Variants in TMEM232 observed in about 807,000 individuals in gnomAD.
TMEM232 encodes the protein transmembrane protein 232.
A neutral mutation model predicts 78.8 loss-of-function variants in TMEM232; 80 were observed. The observed-to-expected ratio is 1.01, with a 90% CI of 0.85 to 1.22. TMEM232 has a LOEUF of 1.22. TMEM232 is among the 50% of genes most tolerant of loss of function. The pLI, the probability that TMEM232 is intolerant of heterozygous loss-of-function variation, is 0.00. For missense variants in TMEM232, 881 were observed against 742.2 expected (o/e 1.19, Z -2.17); for synonymous variants, 297 against 254.3 (o/e 1.17, Z -1.60).
intron 1 of TMEM232, among the ~76,000 whole-genome samples, chr5:110,682,570 T>C (rs1213738750): frequency 2.0e-5 from 3 of 152,170 alleles, no homozygotes; most frequent in Non-Finnish European, 2.9e-5. Flanking sequence ...AAATTTACCT[T>C]GCATATTTAT....
intron 8 of TMEM232, among the ~76,000 whole-genome samples, chr5:110,611,546 G>C (rs1022467920): frequency 2.6e-5 from 4 of 152,078 alleles, no homozygotes; most frequent in African/African-American, 9.7e-5. Flanking sequence ...GGCGTTTCTG[G>C]CTGTTGATTG....
chr5:110,606,613 G>A (rs1394601006), intron 8 of TMEM232, among the ~76,000 whole-genome samples: 1 of 151,836 alleles, frequency 6.6e-6, no homozygotes, highest in Non-Finnish European at 1.5e-5. Context: ...ACTCACAATA[G>A]GTTTTAATGT....
intron 1 of TMEM232, among the ~76,000 whole-genome samples, chr5:110,683,115 T>G (rs1792955528): frequency 6.6e-6 from 1 of 152,180 alleles, no homozygotes; most frequent in Admixed American, 6.6e-5. Context: ...ACTTATTACT[T>G]ATTATGTGTT....
At chr5:110,541,388 A>G (rs571155024) in intron 11 of TMEM232, among the ~76,000 whole-genome samples, 1 of 152,290 alleles carries the variant, frequency 6.6e-6, no homozygotes, top group East Asian at 1.9e-4. Flanking sequence ...TGTTAGTGCT[A>G]ATAGATAACT....
intron 12 of TMEM232, among the ~76,000 whole-genome samples, chr5:110,448,700 A>C (rs925258408): frequency 2.0e-5 from 3 of 152,018 alleles, no homozygotes; most frequent in Non-Finnish European, 2.9e-5. Context: ...CTCACATGGA[A>C]TGAGGAAAGT....
At chr5:110,426,833 CA>C (rs1182914189) in intron 12 of TMEM232, among the ~76,000 whole-genome samples, 1 of 151,820 alleles carries the variant, frequency 6.6e-6, no homozygotes, top group Non-Finnish European at 1.5e-5. Context: ...TTTTGGTATT[CA>C]AAGAATTGTG....
chr5:110,436,372 G>C (rs1758436049), intron 12 of TMEM232, among the ~76,000 whole-genome samples: 1 of 151,856 alleles, frequency 6.6e-6, no homozygotes. Flanking sequence ...GTGCCACATG[G>C]TAGTTTGCAA....
At chr5:110,591,104 A>T (rs957752849) in intron 10 of TMEM232, among the ~76,000 whole-genome samples, 1 of 152,188 alleles carries the variant, frequency 6.6e-6, no homozygotes, top group African/African-American at 2.4e-5. Context: ...ATGCCTTCAC[A>T]AAACCATGAT....
At chr5:110,609,703 A>AT (rs1781954880) in intron 8 of TMEM232, among the ~76,000 whole-genome samples, 1 of 152,116 alleles carries the variant, frequency 6.6e-6, no homozygotes. Flanking sequence ...GCTGCCTGAT[A>AT]ATTTTACACA....
intron 1 of TMEM232, among the ~76,000 whole-genome samples, chr5:110,680,855 G>A (rs183393727): frequency 2.1e-3 from 318 of 152,190 alleles, no homozygotes; most frequent in Non-Finnish European, 3.5e-3. Flanking sequence ...CACCTAAGGA[G>A]TTTTTAAATT....
intron 10 of TMEM232, among the ~76,000 whole-genome samples, chr5:110,596,224 T>C (rs4957907): frequency 0.04 from 6,064 of 152,222 alleles, 338 homozygotes; most frequent in East Asian, 0.26. Flanking sequence ...CATCAGAGAA[T>C]ACTACAAACA....
intron 8 of TMEM232, among the ~76,000 whole-genome samples, chr5:110,614,541 A>C (rs1782698793): frequency 6.6e-6 from 1 of 152,104 alleles, no homozygotes; most frequent in Non-Finnish European, 1.5e-5. Flanking sequence ...ATACAGCAAA[A>C]TCTAAAAATC....
chr5:110,728,942 T>C (rs941185233), upstream of TMEM232, among the ~76,000 whole-genome samples: 3 of 151,496 alleles, frequency 2.0e-5, no homozygotes, highest in East Asian at 3.9e-4. Context: ...TGGAGTGCAA[T>C]GGAGCGATCT....
At chr5:110,716,925 T>C (rs1027522194) in intron 1 of TMEM232, among the ~76,000 whole-genome samples, 1 of 152,142 alleles carries the variant, frequency 6.6e-6, no homozygotes, top group Non-Finnish European at 1.5e-5. Flanking sequence ...AACTGGACAG[T>C]AATTACAAAA....
chr5:110,699,138 C>A (rs889675261), intron 1 of TMEM232, among the ~76,000 whole-genome samples: 1 of 152,026 alleles, frequency 6.6e-6, no homozygotes, highest in Admixed American at 6.6e-5. Context: ...GAAATGCTCA[C>A]AAATGGGTGG....
upstream of TMEM232, among the ~76,000 whole-genome samples, chr5:110,730,305 G>C (rs143917020): frequency 3.1e-4 from 47 of 152,132 alleles, no homozygotes; most frequent in African/African-American, 1.1e-3. Context: ...AAAAACTATA[G>C]CCATGAAAAA....
At chr5:110,416,110 AATGT>A (rs1405632404), downstream of TMEM232, among the ~76,000 whole-genome samples, 4 of 152,228 alleles carry the variant, frequency 2.6e-5, no homozygotes, top group Non-Finnish European at 5.9e-5. Context: ...CAAATATATA[AATGT>A]ATTATAGAAG....
intron 11 of TMEM232, among the ~76,000 whole-genome samples, chr5:110,562,433 A>G (rs1266579788): frequency 6.6e-6 from 1 of 152,064 alleles, no homozygotes; most frequent in Non-Finnish European, 1.5e-5. Flanking sequence ...CATGTAATCC[A>G]ACTTATAATT....
chr5:110,545,233 C>T (rs1221218188), intron 11 of TMEM232, among the ~76,000 whole-genome samples: 1 of 151,792 alleles, frequency 6.6e-6, no homozygotes, highest in Non-Finnish European at 1.5e-5. Flanking sequence ...TGAGCTTAAC[C>T]ACCACCAGCA....
Sources: gnomAD v4.1 joint callset for allele counts (sites outside exome capture counted in the v4.1 genomes callset) on GRCh38, gnomAD v4.1.1 for gene constraint, MANE v1.5 for transcripts, NCBI Gene and HGNC (gene_info 2026-07-23, HGNC 2026-07-21) for gene names.